Variants in NUP88 observed in about 807,000 individuals in gnomAD.
NUP88 encodes nucleoporin 88.
A neutral mutation model predicts 93.9 loss-of-function variants in NUP88; 57 were observed. The ratio of observed to expected loss-of-function variants is 0.61; its 90% CI spans 0.49 to 0.76. The LOEUF is 0.76. NUP88 is among the 30% of genes least tolerant of loss of function. The pLI is 0.00. For synonymous variants in NUP88, 346 were observed against 336.8 expected (o/e 1.03, Z -0.30); for missense variants, 911 against 901.0 (o/e 1.01, Z -0.14).
In NUP88 at chr17:5,408,795, G is replaced by A; in HGVS notation, c.795C>T (p.Tyr265=). The A allele has an allele frequency of 6.2e-7, 1 of 1,613,836 alleles. No homozygotes were observed. The highest frequency in any genetic ancestry group is 8.5e-7 in the Non-Finnish European group (1 of 1,179,792). The part of the protein sequence containing the change: ...GQNGKDEVVA[Y]PLYILYENGE... ...CATTTTCATATAAGATGTACAGTGG[G>A]TATGCCACTACTTCATCTTTGCCGT... The change falls in exon 5 of 17, where the codon TAC becomes TAT. Residue 265 remains tyrosine, a synonymous_variant. Coordinates refer to ENST00000573584, the MANE Select transcript of NUP88 (RefSeq NM_002532.6).
intron 7 of NUP88, among the ~76,000 whole-genome samples, chr17:5,403,695 C>A (rs1357454400): frequency 6.6e-6 from 1 of 151,484 alleles, no homozygotes; most frequent in Non-Finnish European, 1.5e-5. Flanking sequence ...TCCATTTGGT[C>A]TGTCGATGGA....
At chr17:5,414,484 C>T (rs959044624) in intron 2 of NUP88, among the ~76,000 whole-genome samples, 2 of 152,136 alleles carry the variant, frequency 1.3e-5, no homozygotes, top group Non-Finnish European at 2.9e-5. Flanking sequence ...CATGAGCCAC[C>T]ACGCCAGGCC....
chr17:5,388,590 G>C, intron 11 of NUP88: 1 of 472,252 alleles, frequency 2.1e-6, no homozygotes, highest in South Asian at 3.4e-5. Flanking sequence ...GCCCGGCCTA[G>C]CCTAACTTCT....
intron 9 of NUP88, among the ~76,000 whole-genome samples, chr17:5,392,832 G>A (rs1299633660): frequency 1.3e-5 from 2 of 151,984 alleles, no homozygotes; most frequent in East Asian, 1.9e-4. Flanking sequence ...CTCTGTTGCC[G>A]AGGCTGGAGT....
chr17:5,398,960 C>T (rs1277638288), intron 8 of NUP88, among the ~76,000 whole-genome samples: 2 of 145,832 alleles, frequency 1.4e-5, no homozygotes, highest in Non-Finnish European at 3.0e-5. Flanking sequence ...GTGATCTTGG[C>T]TCACTGCAAG....
Position 5,386,981 on chromosome 17 carries a change from T to C in NUP88, c.2043+3A>G, listed in dbSNP as rs753235250. On this transcript the variant is annotated splice_donor_region_variant and intron_variant, in intron 15 of 16. Transcript: ENST00000573584. ...AATTTAGCTAGTTTGGATCTATTCC[T>C]ACCTGTTTGATGGCATTGCCCAAAT... 1 of 1,613,844 alleles carries C rather than the reference T, an allele frequency of 6.2e-7. No individual in the cohort carries two copies. The highest frequency in any genetic ancestry group is 8.5e-7 in the Non-Finnish European group (1 of 1,179,892).
At chr17:5,419,021 G>A (rs532203625) in intron 1 of NUP88, among the ~76,000 whole-genome samples, 14 of 152,324 alleles carry the variant, frequency 9.2e-5, no homozygotes, top group African/African-American at 2.6e-4. Flanking sequence ...CCTATTATAA[G>A]CGTCACATCA....
chr17:5,387,104 T>C lies in NUP88; in HGVS notation c.1923A>G (p.Lys641=), dbSNP rs1408201189. 2 of 1,613,182 alleles carry C rather than the reference T, an allele frequency of 1.2e-6. No homozygotes were observed. The highest frequency in any genetic ancestry group is 8.5e-7 in the Non-Finnish European group (1 of 1,179,784). ...CAGAGTGAAAACTGTGAAGTAGTTT[T>C]TTCATCCTTTAGAAAAGGCAAGCAA... The part of the protein sequence containing the change: ...EKQEDIMNRM[K]KLLHSFHSEL... Residue 641 remains lysine, a synonymous_variant, in exon 15 of 17, where the codon AAA becomes AAG. Transcript: ENST00000573584.
intron 7 of NUP88, 131 bp from the exon 8 acceptor site, chr17:5,399,781 A>G: frequency 2.0e-6 from 1 of 500,596 alleles, no homozygotes; most frequent in Non-Finnish European, 3.6e-6. Context: ...AAAGACTTTC[A>G]TATTGTTAGG....
chr17:5,392,205 G>C (rs944073411), intron 9 of NUP88, among the ~76,000 whole-genome samples: 6 of 152,156 alleles, frequency 3.9e-5, no homozygotes, highest in African/African-American at 1.4e-4. Flanking sequence ...CATCCCACCT[G>C]CATGCCTACA....
At chr17:5,405,943 C>T (rs557589692) in intron 5 of NUP88, among the ~76,000 whole-genome samples, 2 of 152,208 alleles carry the variant, frequency 1.3e-5, no homozygotes, top group African/African-American at 2.4e-5. Flanking sequence ...AACTATGCCT[C>T]GTTTTAACTA....
chr17:5,413,192 G>A (rs1014772218), intron 3 of NUP88, among the ~76,000 whole-genome samples: 6 of 151,984 alleles, frequency 3.9e-5, no homozygotes, highest in East Asian at 1.9e-4. Context: ...CATTGGTCTC[G>A]AACTCAGGGG....
Position 5,414,097 on chromosome 17 carries a change from TGGAACTGGTGAAAAATCTCTCC to T in NUP88, c.483_504del (p.Glu162ProfsTer3). The T allele has an allele frequency of 1.2e-6, 2 of 1,613,770 alleles. No individual in the cohort carries two copies. Among genetic ancestry groups the T allele is most frequent in the Non-Finnish European group, 1.7e-6 (2 of 1,179,700 alleles). On this transcript the variant is annotated frameshift_variant, in exon 3 of 17. Transcript: ENST00000573584. LOFTEE classifies it high-confidence loss of function. Reference sequence around the variant, plus strand: ...GCAGCATGCTTTAGAGTCAGAGAGGTGGAACTGGTGAAAAATCTCTCCGCAACTGGAGTGGTACTAAAATAAA... The same window carrying T: ...GCAGCATGCTTTAGAGTCAGAGAGGTGCAACTGGAGTGGTACTAAAATAAA...
At chr17:5,415,510 G>T (rs1377719023) in intron 2 of NUP88, among the ~76,000 whole-genome samples, 1 of 152,130 alleles carries the variant, frequency 6.6e-6, no homozygotes, top group African/African-American at 2.4e-5. Flanking sequence ...GATTTAGAAG[G>T]TAAACAGTTT....
At chr17:5,388,460 T>TG (rs1912195968) in intron 11 of NUP88, 1 of 168,984 alleles carries the variant, frequency 5.9e-6, no homozygotes, top group African/African-American at 2.4e-5. Flanking sequence ...TAATTTTTTT[T>TG]TGTATTTTTA....
intron 2 of NUP88, among the ~76,000 whole-genome samples, chr17:5,416,144 CA>C (rs1206275413): frequency 0.033 from 2,369 of 72,544 alleles, 13 homozygotes; most frequent in African/African-American, 0.048. Context: ...GACTCCATCT[CA>C]AAAAAAAAAA....
At chr17:5,390,791 A>T (rs1912369941) in intron 10 of NUP88, among the ~76,000 whole-genome samples, 1 of 151,700 alleles carries the variant, frequency 6.6e-6, no homozygotes. Context: ...GCAGCCTAAA[A>T]CTCCTGGGCT....
In NUP88 at chr17:5,388,929, G is replaced by C. The variant is rs1912232901; in HGVS notation, c.1516C>G (p.Leu506Val). 9 of 1,613,178 alleles carry C rather than the reference G, an allele frequency of 5.6e-6. No homozygotes were observed. Among genetic ancestry groups the C allele is most frequent in the Non-Finnish European group, 6.8e-6 (8 of 1,179,602 alleles). ...STVHPASPPL[L>V]CTREDVEVAE... is the part of the protein sequence containing the mutation. ...ACTTCAACATCTTCTCGAGTACAAA[G>C]CAGGGGAGGAGACGCTGGATGGACT... Residue 506 changes from leucine to valine, a missense_variant, in exon 11 of 17, where the codon CTT (leucine) becomes GTT (valine). Transcript: ENST00000573584.
At chr17:5,403,110 G>A (rs1297161157) in intron 7 of NUP88, among the ~76,000 whole-genome samples, 5 of 152,296 alleles carry the variant, frequency 3.3e-5, no homozygotes, top group South Asian at 4.1e-4. Context: ...CTGGAAGGCC[G>A]AGGCAGGTGG....
Sources: gnomAD v4.1 joint callset for allele counts (sites outside exome capture counted in the v4.1 genomes callset) on GRCh38, gnomAD v4.1.1 for gene constraint, MANE v1.5 for transcripts, NCBI Gene and HGNC (gene_info 2026-07-23, HGNC 2026-07-21) for gene names.